The following ATRNL1 variants were observed in gnomAD, a reference collection of about 807,000 sequenced individuals.
The protein encoded by ATRNL1 is attractin like 1.
ATRNL1 carries 95 observed loss-of-function variants against 182.7 expected under a neutral mutation model. That is an observed-to-expected ratio of 0.52 (90% CI 0.44 to 0.62). ATRNL1 has a LOEUF of 0.62. Ranked by LOEUF, ATRNL1 falls within the 20% of genes least tolerant of loss-of-function variation. The pLI, the probability that ATRNL1 is intolerant of heterozygous loss-of-function variation, is 0.00. For missense variants in ATRNL1, 1,471 were observed against 1,679.5 expected, an observed-to-expected ratio of 0.88 and a Z score of 2.17; for synonymous variants, 576 against 568.3, an observed-to-expected ratio of 1.01 and a Z score of -0.19.
At chr10:115,498,136 T>C (rs984602992) in intron 24 of ATRNL1, among the ~76,000 whole-genome samples, 5 of 152,154 alleles carry the variant, frequency 3.3e-5, no homozygotes, top group Non-Finnish European at 5.9e-5. Flanking sequence ...AATATAGTAA[T>C]TACCCATGAC....
intron 28 of ATRNL1, among the ~76,000 whole-genome samples, chr10:115,882,970 G>C (rs576157984): frequency 2.6e-4 from 39 of 152,290 alleles, no homozygotes; most frequent in African/African-American, 8.7e-4. Flanking sequence ...CCTTGCCCAT[G>C]TTCTCTGCCC....
chr10:115,129,701 T>G (rs1281749122), intron 5 of ATRNL1, among the ~76,000 whole-genome samples, 166 bp downstream of exon 5: 2 of 152,218 alleles, frequency 1.3e-5, no homozygotes, highest in East Asian at 3.8e-4. Flanking sequence ...AATAATTTTT[T>G]TGTCACAAAT....
chr10:115,587,066 G>A (rs1443626089), intron 26 of ATRNL1, among the ~76,000 whole-genome samples: 8 of 149,692 alleles, frequency 5.3e-5, no homozygotes, highest in Admixed American at 1.3e-4. Flanking sequence ...TAGGCTGCTC[G>A]GGGGTCAGGG....
At chr10:115,609,823 C>T (rs1473625075) in intron 26 of ATRNL1, among the ~76,000 whole-genome samples, 1 of 152,052 alleles carries the variant, frequency 6.6e-6, no homozygotes, top group Non-Finnish European at 1.5e-5. Context: ...AAATATCTGG[C>T]GTCCATAGAT....
At chr10:115,136,664 C>A (rs569250882) in intron 5 of ATRNL1, among the ~76,000 whole-genome samples, 13 of 152,156 alleles carry the variant, frequency 8.5e-5, no homozygotes, top group Non-Finnish European at 1.6e-4. Context: ...TTGCCTTTTC[C>A]CAAATATCAT....
intron 19 of ATRNL1, among the ~76,000 whole-genome samples, chr10:115,384,072 T>C (rs1340196923): frequency 1.2e-4 from 19 of 152,032 alleles, no homozygotes; most frequent in Admixed American, 1.1e-3. Flanking sequence ...ATTAGTATTA[T>C]CTTCATTTCA....
Position 115,454,259 on chromosome 10 carries a change from A to G in ATRNL1, c.3323-7682A>G, listed in dbSNP as rs561870598. On this transcript the variant is annotated intron_variant, in intron 21 of 28. Transcript: ENST00000355044. ...TCTTTACCCCGTTACATTTATCTATATATCTTTTTTCATGCCAGTACCAAA... is the reference window on the plus strand; with the variant it reads ...TCTTTACCCCGTTACATTTATCTATGTATCTTTTTTCATGCCAGTACCAAA... Among the ~76,000 whole-genome samples, 37 of 152,158 alleles carry G rather than the reference A, an allele frequency of 2.4e-4. No homozygotes were observed. In the South Asian group the frequency reaches 3.7e-3, roughly 15 times the overall value.
intron 26 of ATRNL1, among the ~76,000 whole-genome samples, chr10:115,629,045 A>G (rs1308108045): frequency 1.3e-5 from 2 of 151,810 alleles, no homozygotes; most frequent in African/African-American, 2.4e-5. Context: ...TTTTTATATC[A>G]TTTTCATTCC....
At chr10:115,214,289 TA>T (rs1554895703) in intron 8 of ATRNL1, among the ~76,000 whole-genome samples, 1 of 138,200 alleles carries the variant, frequency 7.2e-6, no homozygotes, top group Non-Finnish European at 1.6e-5. Flanking sequence ...TGAATAAAAC[TA>T]TGAAAATCTT....
At chr10:115,502,732 A>C (rs1284286798) in intron 24 of ATRNL1, among the ~76,000 whole-genome samples, 1 of 152,126 alleles carries the variant, frequency 6.6e-6, no homozygotes, top group African/African-American at 2.4e-5. Context: ...ATTTATAGAT[A>C]AACTGAACTG....
intron 26 of ATRNL1, among the ~76,000 whole-genome samples, chr10:115,581,168 T>C (rs1855049756): frequency 6.6e-6 from 1 of 152,148 alleles, no homozygotes; most frequent in South Asian, 2.1e-4. Flanking sequence ...ACTAGTGTCT[T>C]TTAAGAAATG....
chr10:115,768,177 T>C (rs879955666), intron 27 of ATRNL1, among the ~76,000 whole-genome samples: 5 of 152,192 alleles, frequency 3.3e-5, no homozygotes, highest in Admixed American at 3.3e-4. Flanking sequence ...GCTGAATCTC[T>C]TAACCTCATG....
intron 27 of ATRNL1, among the ~76,000 whole-genome samples, chr10:115,732,964 GTAATCTAAAT>G (rs1485660203): frequency 6.6e-6 from 1 of 152,134 alleles, no homozygotes; most frequent in Non-Finnish European, 1.5e-5. Context: ...GTTATCCATT[GTAATCTAAAT>G]TGCTATAAAG....
intron 24 of ATRNL1, among the ~76,000 whole-genome samples, chr10:115,496,304 G>A (rs782212294): frequency 1.3e-5 from 2 of 152,114 alleles, no homozygotes; most frequent in Non-Finnish European, 2.9e-5. Flanking sequence ...GTACTTAAGT[G>A]TCTTTTTGTG....
At chr10:115,637,965 A>G (rs1484897647) in intron 26 of ATRNL1, among the ~76,000 whole-genome samples, 1 of 152,110 alleles carries the variant, frequency 6.6e-6, no homozygotes, top group African/African-American at 2.4e-5. Context: ...TTATAAATGT[A>G]GTGTGACCTA....
chr10:115,148,444 C>A (rs1407733001), intron 5 of ATRNL1, among the ~76,000 whole-genome samples: 1 of 152,138 alleles, frequency 6.6e-6, no homozygotes, highest in Non-Finnish European at 1.5e-5. Context: ...CTTTCTCTTG[C>A]CTAATTTCTC....
At chr10:115,457,505 G>A (rs533850839) in intron 21 of ATRNL1, among the ~76,000 whole-genome samples, 1 of 152,086 alleles carries the variant, frequency 6.6e-6, no homozygotes, top group East Asian at 1.9e-4. Context: ...CTAGGAATTT[G>A]TCTGTCTCCT....
chr10:115,206,127 A>G (rs1848786141), intron 8 of ATRNL1, among the ~76,000 whole-genome samples: 1 of 152,118 alleles, frequency 6.6e-6, no homozygotes, highest in South Asian at 2.1e-4. Flanking sequence ...CACTTAAAAA[A>G]TGTTGGGCCA....
intron 26 of ATRNL1, among the ~76,000 whole-genome samples, chr10:115,680,964 C>T (rs1946026964): frequency 6.6e-6 from 1 of 152,022 alleles, no homozygotes; most frequent in Non-Finnish European, 1.5e-5. Context: ...TTTTGTGTTT[C>T]AGGAGAAATG....
Sources: gnomAD v4.1 joint callset for allele counts (sites outside exome capture counted in the v4.1 genomes callset) on GRCh38, gnomAD v4.1.1 for gene constraint, MANE v1.5 for transcripts, NCBI Gene and HGNC (gene_info 2026-07-23, HGNC 2026-07-21) for gene names.